TTC6: variants seen among roughly 807,000 people sequenced by gnomAD.
TTC6 encodes tetratricopeptide repeat protein 6.
TTC6 carries 172 observed loss-of-function variants against 210.4 expected under a neutral mutation model. The observed-to-expected ratio is 0.82, with a 90% CI of 0.72 to 0.93. The LOEUF (loss-of-function observed/expected upper bound fraction) is 0.93. Among genes scored for constraint, TTC6 ranks in the 40% least tolerant of loss-of-function variants. The probability of loss-of-function intolerance (pLI) is 0.00; values close to 1 mark genes in which losing one functional copy is unlikely to be tolerated. For synonymous variants in TTC6, 804 were observed against 819.6 expected, an observed-to-expected ratio of 0.98 and a Z score of 0.32; for missense variants, 2,414 against 2,318.1, an observed-to-expected ratio of 1.04 and a Z score of -0.85.
chr14:37,606,545 TC>T, intron 1 of TTC6, 117 bp from the exon 2 acceptor site: 1 of 161,606 alleles, frequency 6.2e-6, no homozygotes, highest in Non-Finnish European at 1.3e-5. Flanking sequence ...CACCTCCTTT[TC>T]CCCCGTTGCC....
intron 14 of TTC6, among the ~76,000 whole-genome samples, chr14:37,781,360 T>C (rs1420410287): frequency 6.6e-6 from 1 of 152,168 alleles, no homozygotes; most frequent in Non-Finnish European, 1.5e-5. Flanking sequence ...GATTTTGATT[T>C]GCATTTCTCT....
At chr14:37,682,759 G>T (rs1566885058) in exon 3 of TTC6, 2 of 1,535,130 alleles carry the variant, frequency 1.3e-6, no homozygotes, top group Non-Finnish European at 1.7e-6. Flanking sequence ...TTCCAACAGA[G>T]CGTGCATAAG....
At chr14:37,639,575 A>T (rs966857869) in intron 1 of TTC6, among the ~76,000 whole-genome samples, 1 of 152,040 alleles carries the variant, frequency 6.6e-6, no homozygotes, top group Non-Finnish European at 1.5e-5. Context: ...ATTCATTTTT[A>T]AAAAATGGAA....
intron 4 of TTC6, 49 bp from the exon 7 acceptor site, chr14:37,701,283 A>G (rs563795261): frequency 3.9e-6 from 5 of 1,279,104 alleles, no homozygotes; most frequent in East Asian, 5.5e-5. Flanking sequence ...CTTTATATCT[A>G]AAGTCCACAA....
chr14:37,653,898 T>C (rs757720801), intron 1 of TTC6, among the ~76,000 whole-genome samples: 2 of 152,228 alleles, frequency 1.3e-5, no homozygotes, highest in Non-Finnish European at 2.9e-5. Flanking sequence ...TAATAGTCGG[T>C]CACAAGAATA....
intron 2 of TTC6, among the ~76,000 whole-genome samples, chr14:37,611,856 C>T (rs1327537624): frequency 6.6e-6 from 1 of 152,076 alleles, no homozygotes; most frequent in East Asian, 1.9e-4. Flanking sequence ...AGACCAGTTT[C>T]CTGAGTTTGG....
intron 24 of TTC6, among the ~76,000 whole-genome samples, chr14:37,810,994 T>C (rs1595299388): frequency 6.6e-6 from 1 of 152,188 alleles, no homozygotes; most frequent in Non-Finnish European, 1.5e-5. Flanking sequence ...AAGCTAAGGC[T>C]TAGTGTTAAG....
At chr14:37,774,305 G>C (rs2096030308) in intron 14 of TTC6, among the ~76,000 whole-genome samples, 1 of 152,068 alleles carries the variant, frequency 6.6e-6, no homozygotes, top group Non-Finnish European at 1.5e-5. Flanking sequence ...TGGTCAATAG[G>C]AGTGGTGAGA....
At chr14:37,831,918 C>A (rs569698507) in intron 29 of TTC6, among the ~76,000 whole-genome samples, 4 of 152,236 alleles carry the variant, frequency 2.6e-5, no homozygotes, top group Non-Finnish European at 5.9e-5. Context: ...CATTCCTATG[C>A]AGAAGCTTTT....
chr14:37,817,458 T>C, intron 25 of TTC6, 120 bp from the exon 28 acceptor site: 1 of 769,002 alleles, frequency 1.3e-6, no homozygotes, highest in South Asian at 1.8e-5. Context: ...GTGTCACATG[T>C]ATTTAGGAAG....
rs534415772 is a variant in TTC6 at position 37,809,940 on chromosome 14, G to A, written c.4569+1094G>A. On this transcript the variant is annotated intron_variant, in intron 24 of 30. Transcript: ENST00000553443. ...ATTCCTGCCCATGTCCATAGTAAAT[G>A]ACGCATTCTTTTAAAAGGCTAGGTC... is the stretch of plus-strand genomic sequence containing the variant. Among the ~76,000 whole-genome samples the A allele has an allele frequency of 3.3e-5, 5 of 152,252 alleles. No homozygotes were observed. In the South Asian group the frequency reaches 1.0e-3, roughly 32 times the overall value.
chr14:37,781,726 C>A (rs1288302884), intron 14 of TTC6, among the ~76,000 whole-genome samples: 4 of 152,036 alleles, frequency 2.6e-5, no homozygotes, highest in Admixed American at 2.0e-4. Flanking sequence ...AATGGTAATG[C>A]CTAGGTTTTC....
intron 26 of TTC6, among the ~76,000 whole-genome samples, chr14:37,821,309 T>A (rs557690805): frequency 2.1e-3 from 324 of 152,238 alleles, no homozygotes; most frequent in African/African-American, 7.5e-3. Context: ...CCTCAGGTGA[T>A]CCACCTGTCC....
At chr14:37,761,400 G>A (rs551555204) in intron 14 of TTC6, among the ~76,000 whole-genome samples, 91 of 152,048 alleles carry the variant, frequency 6.0e-4, no homozygotes, top group Non-Finnish European at 1.1e-3. Flanking sequence ...CACCTTTTGC[G>A]TGGGTCTTGC....
At chr14:37,689,152 A>G (rs755967103) in intron 3 of TTC6, among the ~76,000 whole-genome samples, 4 of 152,084 alleles carry the variant, frequency 2.6e-5, no homozygotes, top group Non-Finnish European at 5.9e-5. Context: ...GAAATTCTGG[A>G]GTTGAAAAAT....
intron 24 of TTC6, among the ~76,000 whole-genome samples, chr14:37,811,115 C>A (rs184491121): frequency 6.6e-6 from 1 of 152,164 alleles, no homozygotes; most frequent in South Asian, 2.1e-4. Context: ...TGCTCCCATC[C>A]CTACCCCTTA....
intron 1 of TTC6, among the ~76,000 whole-genome samples, chr14:37,671,812 G>A (rs2095758750): frequency 6.6e-6 from 1 of 152,032 alleles, no homozygotes; most frequent in Non-Finnish European, 1.5e-5. Flanking sequence ...TTATGGGGGC[G>A]GTTCCTCATT....
chr14:37,700,061 A>C (rs2095822025), intron 4 of TTC6, among the ~76,000 whole-genome samples: 1 of 152,156 alleles, frequency 6.6e-6, no homozygotes, highest in Admixed American at 6.5e-5. Flanking sequence ...TCATATTCTC[A>C]GCTGTGTTTT....
chr14:37,704,574 T>C (rs532443105), intron 5 of TTC6, among the ~76,000 whole-genome samples: 2 of 152,150 alleles, frequency 1.3e-5, no homozygotes, highest in Admixed American at 6.6e-5. Context: ...TCTGGAGTTG[T>C]CATTTATCTC....
Sources: allele counts gnomAD v4.1 joint callset (sites outside exome capture counted in the v4.1 genomes callset), GRCh38; gene constraint gnomAD v4.1.1; transcripts MANE v1.5; gene names NCBI Gene and HGNC (gene_info 2026-07-23, HGNC 2026-07-21).